The following DENND2C variants were observed in gnomAD, a reference collection of about 807,000 sequenced individuals.
DENND2C encodes the protein DENN domain-containing protein 2C.
Under a neutral mutation model 112.4 loss-of-function variants are expected in DENND2C, and 72 were observed. The observed-to-expected ratio is 0.64, with a 90% CI of 0.53 to 0.78. The LOEUF is 0.78. Among genes scored for constraint, DENND2C ranks in the 30% least tolerant of loss-of-function variants. DENND2C has a pLI of 0.00. For synonymous variants in DENND2C, 329 were observed against 381.6 expected, an observed-to-expected ratio of 0.86 and a Z score of 1.61; for missense variants, 992 against 1,113.8, an observed-to-expected ratio of 0.89 and a Z score of 1.56.
chr1:114,640,784 A>AT (rs938161513), intron 3 of DENND2C, among the ~76,000 whole-genome samples: 9 of 152,290 alleles, frequency 5.9e-5, no homozygotes, highest in Middle Eastern at 3.4e-3. Flanking sequence ...AAAAACATAA[A>AT]TTTTTTTTAA....
At chr1:114,587,210 C>G (rs1655062043) in intron 20 of DENND2C, 177 bp downstream of exon 20, 1 of 679,398 alleles carries the variant, frequency 1.5e-6, no homozygotes, top group Non-Finnish European at 2.6e-6. Context: ...CCATGCCCAG[C>G]TAATTTTAAA....
chr1:114,587,089 G>A, intron 20 of DENND2C: 3 of 281,406 alleles, frequency 1.1e-5, no homozygotes, highest in Admixed American at 8.9e-5. Context: ...GCAGAGATGG[G>A]GTTTCACCAT....
chr1:114,609,037 A>G (rs1655740116), intron 9 of DENND2C, among the ~76,000 whole-genome samples, 164 bp from the exon 10 acceptor site: 2 of 152,252 alleles, frequency 1.3e-5, no homozygotes. Flanking sequence ...AGGCTGTGAC[A>G]TACTAGGGGG....
chr1:114,657,863 A>C (rs1038127371), intron 1 of DENND2C, among the ~76,000 whole-genome samples: 2 of 152,198 alleles, frequency 1.3e-5, no homozygotes, highest in African/African-American at 4.8e-5. Flanking sequence ...AGGAGTCGCT[A>C]AAGAGGAGAG....
chr1:114,604,135 G>A (rs1655596337), intron 11 of DENND2C, among the ~76,000 whole-genome samples: 1 of 152,194 alleles, frequency 6.6e-6, no homozygotes, highest in Admixed American at 6.5e-5. Flanking sequence ...TGAGAGATGA[G>A]AGTGTCAATC....
chr1:114,612,259 T>A (rs1355977355), intron 8 of DENND2C, among the ~76,000 whole-genome samples: 1 of 152,118 alleles, frequency 6.6e-6, no homozygotes, highest in Non-Finnish European at 1.5e-5. Flanking sequence ...TATTTATTGA[T>A]GAAGATTATG....
At chr1:114,622,189 T>C (rs1013460022) in intron 6 of DENND2C, 124 bp from the exon 7 acceptor site, 1 of 987,278 alleles carries the variant, frequency 1.0e-6, no homozygotes, top group Non-Finnish European at 1.4e-6. Flanking sequence ...TCATGGCTCA[T>C]TGCAGCCTTG....
chr1:114,628,728 AT>A (rs1333934836), intron 3 of DENND2C, among the ~76,000 whole-genome samples: 1 of 152,158 alleles, frequency 6.6e-6, no homozygotes, highest in African/African-American at 2.4e-5. Flanking sequence ...CACTTCAGTT[AT>A]TTTCTTACAG....
Position 114,585,679 on chromosome 1 carries a change from T to C in DENND2C, c.2756-48A>G, listed in dbSNP as rs902923915. 3.2e-6 allele frequency: 5 copies of C among 1,587,096 alleles called. No individual in the cohort carries two copies. The African/African-American group carries it at 5.4e-5, about 17-fold the overall frequency. On this transcript the variant is annotated intron_variant, in intron 20 of 20. Coordinates refer to ENST00000393274, the MANE Select transcript of DENND2C (RefSeq NM_001256404.2). Reference sequence around the variant, plus strand: ...TGAATGCTCAATTCATTTTTATTTATTGTACATTATTTGAGGTAAGGGATT... The same window carrying C: ...TGAATGCTCAATTCATTTTTATTTACTGTACATTATTTGAGGTAAGGGATT...
chr1:114,656,648 G>A (rs1041957234), intron 1 of DENND2C, among the ~76,000 whole-genome samples: 10 of 149,840 alleles, frequency 6.7e-5, no homozygotes, highest in Non-Finnish European at 1.5e-4. Context: ...TGCCTGCCTC[G>A]GCCTCCCAAA....
intron 10 of DENND2C, among the ~76,000 whole-genome samples, chr1:114,608,368 C>T (rs988116724): frequency 6.6e-6 from 1 of 152,186 alleles, no homozygotes; most frequent in Non-Finnish European, 1.5e-5. Context: ...CTCTAAACCA[C>T]TACCCTATTC....
chr1:114,638,375 AC>A (rs1656713249), intron 3 of DENND2C, among the ~76,000 whole-genome samples: 1 of 152,218 alleles, frequency 6.6e-6, no homozygotes. Context: ...ATGTCTTAGG[AC>A]ACAAAACACA....
At chr1:114,666,405 A>G (rs1339498455) in intron 1 of DENND2C, among the ~76,000 whole-genome samples, 1 of 152,026 alleles carries the variant, frequency 6.6e-6, no homozygotes, top group East Asian at 1.9e-4. Context: ...TTAGCACGAT[A>G]CTCTGGCTCT....
chr1:114,617,736 GAA>G (rs1021336201), intron 8 of DENND2C, among the ~76,000 whole-genome samples: 1 of 138,630 alleles, frequency 7.2e-6, no homozygotes. Flanking sequence ...TATCCTCAGA[GAA>G]AAAAAAAAAG....
intron 18 of DENND2C, among the ~76,000 whole-genome samples, chr1:114,591,338 C>A (rs927192042): frequency 6.6e-6 from 1 of 152,062 alleles, no homozygotes; most frequent in African/African-American, 2.4e-5. Flanking sequence ...ATTTACACTT[C>A]CCTGAATGTA....
intron 2 of DENND2C, among the ~76,000 whole-genome samples, chr1:114,651,276 T>TATAC (rs113931256): frequency 7.2e-6 from 1 of 139,270 alleles, no homozygotes; most frequent in African/African-American, 2.7e-5. Context: ...TCCCTACACA[T>TATAC]ACACACACAC....
intron 7 of DENND2C, among the ~76,000 whole-genome samples, chr1:114,620,740 C>T (rs1387151389): frequency 2.6e-5 from 4 of 151,182 alleles, no homozygotes; most frequent in Admixed American, 1.3e-4. Context: ...TTTTTTTTCA[C>T]TAAGAGAGAT....
intron 7 of DENND2C, among the ~76,000 whole-genome samples, chr1:114,619,398 A>G (rs1239306795): frequency 1.3e-5 from 2 of 152,214 alleles, no homozygotes; most frequent in African/African-American, 2.4e-5. Flanking sequence ...ATTATATATG[A>G]TAACAACCAA....
chr1:114,655,712 G>A (rs1186842215), intron 1 of DENND2C, among the ~76,000 whole-genome samples: 1 of 151,968 alleles, frequency 6.6e-6, no homozygotes, highest in Non-Finnish European at 1.5e-5. Context: ...TTGAACTCCT[G>A]ACCTCAGGTG....
Sources: allele counts gnomAD v4.1 joint callset (sites outside exome capture counted in the v4.1 genomes callset), GRCh38; gene constraint gnomAD v4.1.1; transcripts MANE v1.5; gene names NCBI Gene and HGNC (gene_info 2026-07-23, HGNC 2026-07-21).